Variants in FBXW8 observed in about 807,000 individuals in gnomAD.
FBXW8 encodes the protein F-box/WD repeat-containing protein 8.
FBXW8 carries 57 observed loss-of-function variants against 65.3 expected under a neutral mutation model. The observed-to-expected ratio is 0.87, with a 90% CI of 0.71 to 1.09. The LOEUF (loss-of-function observed/expected upper bound fraction) is 1.09. Ranked by LOEUF, FBXW8 falls within the 50% of genes least tolerant of loss-of-function variation. The pLI is 0.00. For synonymous variants in FBXW8, 308 were observed against 330.2 expected (o/e 0.93, Z 0.73); for missense variants, 777 against 814.8 (o/e 0.95, Z 0.57).
At chr12:117,026,684 G>T (rs1200427145) in intron 9 of FBXW8, among the ~76,000 whole-genome samples, 1 of 152,110 alleles carries the variant, frequency 6.6e-6, no homozygotes, top group Non-Finnish European at 1.5e-5. Context: ...AACATCGCTC[G>T]TGCTACAGAA....
At position 116,977,280 on chromosome 12, in the gene FBXW8, C is replaced by A. The variant is rs76411180; in HGVS notation, c.836-7926C>A. ...TAGTATAATTTTAAGATTTTTTTTT[C>A]AGGATTTGGAATGGGATTTCTAAAG... On this transcript the variant is annotated intron_variant, in intron 5 of 10. Coordinates refer to ENST00000652555, the MANE Select transcript of FBXW8 (RefSeq NM_153348.3). 4.6e-3 allele frequency among the ~76,000 whole-genome samples: 690 copies of A among 151,518 alleles called. 7 individuals are homozygous for A. The highest frequency in any genetic ancestry group is 0.014 in the South Asian group (69 of 4,796).
At chr12:116,975,137 A>T (rs975950416) in intron 5 of FBXW8, among the ~76,000 whole-genome samples, 1 of 152,220 alleles carries the variant, frequency 6.6e-6, no homozygotes, top group Non-Finnish European at 1.5e-5. Flanking sequence ...ATGGGAAAGG[A>T]TGATGAAAAT....
At chr12:116,919,920 A>C (rs1880750176) in intron 1 of FBXW8, among the ~76,000 whole-genome samples, 1 of 152,240 alleles carries the variant, frequency 6.6e-6, no homozygotes, top group African/African-American at 2.4e-5. Context: ...TTAATGGCTT[A>C]ACCTTCTTCT....
intron 3 of FBXW8, among the ~76,000 whole-genome samples, chr12:116,947,711 C>G (rs1177126385): frequency 7.0e-6 from 1 of 143,530 alleles, no homozygotes; most frequent in Non-Finnish European, 1.5e-5. Context: ...TGCACTCCAG[C>G]CTGGGCGACA....
At chr12:116,995,130 A>G (rs753138818) in intron 7 of FBXW8, among the ~76,000 whole-genome samples, 4 of 152,232 alleles carry the variant, frequency 2.6e-5, no homozygotes, top group Non-Finnish European at 5.9e-5. Context: ...TGACTAGAAC[A>G]CATGACTTCA....
intron 7 of FBXW8, among the ~76,000 whole-genome samples, chr12:116,991,770 G>C (rs1000557430): frequency 5.3e-5 from 8 of 152,206 alleles, no homozygotes; most frequent in Non-Finnish European, 1.2e-4. Flanking sequence ...GATTAACTGT[G>C]ATAAAAGCAG....
chr12:116,962,908 T>C (rs1417685248), intron 4 of FBXW8, among the ~76,000 whole-genome samples: 1 of 152,132 alleles, frequency 6.6e-6, no homozygotes, highest in Non-Finnish European at 1.5e-5. Flanking sequence ...TGTGTTCTGG[T>C]ATAGGGTTCC....
At chr12:117,004,734 T>A (rs1198572132) in intron 7 of FBXW8, among the ~76,000 whole-genome samples, 1 of 152,078 alleles carries the variant, frequency 6.6e-6, no homozygotes, top group African/African-American at 2.4e-5. Context: ...GGGACCCAAC[T>A]GTAGGTTCTA....
intron 6 of FBXW8, chr12:116,985,691 G>T (rs1373074114): frequency 1.0e-5 from 3 of 295,824 alleles, no homozygotes; most frequent in Non-Finnish European, 1.9e-5. Context: ...GCTCATCACT[G>T]TGGTTCCTTG....
rs1488206681 is a variant in FBXW8 at position 117,030,853 on chromosome 12, A to G, written c.*2681A>G. The G allele has an allele frequency of 6.6e-6, 1 of 152,320 alleles. No individual in the cohort carries two copies. Among genetic ancestry groups the G allele is most frequent in the East Asian group, 1.9e-4 (1 of 5,188 alleles). The allele number at this position is 152,320 out of a possible 1,614,324, so 9.4% of individuals were successfully genotyped here. On this transcript the variant is annotated 3_prime_UTR_variant, in exon 11 of 11. Coordinates refer to ENST00000652555, the MANE Select transcript of FBXW8 (RefSeq NM_153348.3). ...AATCACACTGACAGGGAAAGGATAAATGCTCCTTTATAAGCCAACATGTAT... is the reference window on the plus strand; with the variant it reads ...AATCACACTGACAGGGAAAGGATAAGTGCTCCTTTATAAGCCAACATGTAT...
chr12:117,002,701 G>C (rs905018061), intron 7 of FBXW8: 1 of 152,128 alleles, frequency 6.6e-6, no homozygotes, highest in Admixed American at 6.5e-5. Context: ...GGAGTAAACT[G>C]CTTTTAAATC....
chr12:116,993,756 G>A (rs1953308772), intron 7 of FBXW8, among the ~76,000 whole-genome samples: 1 of 152,072 alleles, frequency 6.6e-6, no homozygotes, highest in Admixed American at 6.5e-5. Context: ...TTAATTAGGT[G>A]TCATTTATTT....
At chr12:116,912,861 T>A (rs556454559) in intron 1 of FBXW8, among the ~76,000 whole-genome samples, 1 of 152,384 alleles carries the variant, frequency 6.6e-6, no homozygotes, top group East Asian at 1.9e-4. Flanking sequence ...AGCTACTATT[T>A]GAGTTTTTAC....
intron 7 of FBXW8, among the ~76,000 whole-genome samples, chr12:116,996,501 AGT>A (rs57730060): frequency 0.019 from 1,980 of 106,688 alleles, 38 homozygotes; most frequent in African/African-American, 0.048. Context: ...TCCATATTCT[AGT>A]CCAGAGAACA....
At chr12:117,021,016 A>G (rs1954080744) in intron 8 of FBXW8, among the ~76,000 whole-genome samples, 1 of 152,146 alleles carries the variant, frequency 6.6e-6, no homozygotes, top group Non-Finnish European at 1.5e-5. Context: ...AGTGAGGTGC[A>G]TGTGGTATTT....
At chr12:116,930,432 G>T (rs1593050222) in intron 2 of FBXW8, among the ~76,000 whole-genome samples, 1 of 152,152 alleles carries the variant, frequency 6.6e-6, no homozygotes, top group Admixed American at 6.5e-5. Context: ...TTGGCCATTT[G>T]TATGTCTTCT....
At chr12:116,991,799 T>C (rs1460053938) in intron 7 of FBXW8, among the ~76,000 whole-genome samples, 2 of 152,258 alleles carry the variant, frequency 1.3e-5, no homozygotes, top group Non-Finnish European at 2.9e-5. Flanking sequence ...GTCCAAATGT[T>C]GAAATTGACT....
intron 1 of FBXW8, among the ~76,000 whole-genome samples, chr12:116,915,034 ATTT>A (rs1315326063): frequency 6.6e-6 from 1 of 152,226 alleles, no homozygotes; most frequent in Non-Finnish European, 1.5e-5. Flanking sequence ...TCCAGTGGCT[ATTT>A]TCAACTAATC....
intron 4 of FBXW8, among the ~76,000 whole-genome samples, chr12:116,953,620 A>C (rs1290639020): frequency 6.6e-6 from 1 of 151,798 alleles, no homozygotes; most frequent in Admixed American, 6.6e-5. Flanking sequence ...AAAATACAAA[A>C]AAATTATCCG....
Sources: allele counts gnomAD v4.1 joint callset (sites outside exome capture counted in the v4.1 genomes callset), GRCh38; gene constraint gnomAD v4.1.1; transcripts MANE v1.5; gene names NCBI Gene and HGNC (gene_info 2026-07-23, HGNC 2026-07-21).